Variants in KDM1A observed in about 807,000 individuals in gnomAD.
KDM1A encodes lysine demethylase 1A.
A neutral mutation model predicts 109.4 loss-of-function variants in KDM1A; 49 were observed. The observed-to-expected ratio is 0.45, with a 90% CI of 0.36 to 0.57. The LOEUF (loss-of-function observed/expected upper bound fraction) is 0.57. KDM1A is among the 20% of genes least tolerant of loss of function. KDM1A has a pLI of 0.00. For synonymous variants in KDM1A, 380 were observed against 415.4 expected, an observed-to-expected ratio of 0.91 and a Z score of 1.04; for missense variants, 668 against 1,116.6, an observed-to-expected ratio of 0.60 and a Z score of 5.73.
At position 23,056,127 on chromosome 1, in the gene KDM1A, T is replaced by C. The variant is rs911887803; in HGVS notation, c.990+89T>C. 7.0e-6 allele frequency: 6 copies of C among 854,566 alleles called. No individual in the cohort carries two copies. The African/African-American group carries it at 1.0e-4, about 14-fold the overall frequency. 52.9% of individuals were successfully genotyped at this position (854,566 alleles called of 1,614,324 possible). A position where few individuals can be genotyped will look rare whatever the true frequency, so the allele number is the denominator to read the frequency against. ...TTGCAAATTAAAGAATTATACAACT[T>C]GAACTAAGCTAAATTGATTTGTATA... On this transcript the variant is annotated intron_variant, in intron 7 of 20. Coordinates refer to ENST00000400181, the MANE Select transcript of KDM1A (RefSeq NM_001009999.3).
chr1:23,038,370 T>A (rs116387007), intron 2 of KDM1A, among the ~76,000 whole-genome samples: 1,979 of 152,270 alleles, frequency 0.013, 28 homozygotes, highest in African/African-American at 0.044. Context: ...CATAGTTTTT[T>A]TTTCTTTCCT....
At chr1:23,074,624 T>C (rs1372409373) in intron 15 of KDM1A, among the ~76,000 whole-genome samples, 2 of 152,216 alleles carry the variant, frequency 1.3e-5, no homozygotes, top group African/African-American at 4.8e-5. Context: ...AAAGAATCTT[T>C]GTCTTACCTG....
intron 9 of KDM1A, among the ~76,000 whole-genome samples, chr1:23,062,817 T>C (rs1643037205): frequency 6.6e-6 from 1 of 152,190 alleles, no homozygotes; most frequent in Non-Finnish European, 1.5e-5. Flanking sequence ...AGATATAATA[T>C]AGGGATACTA....
At position 23,077,360 on chromosome 1, in the gene KDM1A, G is replaced by A; in HGVS notation, c.1867G>A (p.Gly623Arg). 2.5e-6 allele frequency: 4 copies of A among 1,610,794 alleles called. No homozygotes were observed. The highest frequency in any genetic ancestry group is 3.4e-6 in the Non-Finnish European group (4 of 1,177,958). Residue 623 changes from glycine (G) to arginine (R), a missense_variant and splice_region_variant, in exon 16 of 21, where the codon GGA becomes AGA. Around this residue, in one of 8 missense-constraint regions of KDM1A, gnomAD observed 162 missense variants for 376.4 expected, o/e 0.43. Coordinates refer to ENST00000400181, the MANE Select transcript of KDM1A (RefSeq NM_001009999.3). ...GCGACAGGTTCGCTACACGGCTTCA[G>A]GTATGTCACTGCTTTACAAAAGGTA... The part of the protein sequence containing the change: ...AVRQVRYTAS[G>R]CEVIAVNTRS...
intron 9 of KDM1A, among the ~76,000 whole-genome samples, chr1:23,063,843 A>G (rs1445264235): frequency 6.6e-6 from 1 of 152,140 alleles, no homozygotes; most frequent in African/African-American, 2.4e-5. Flanking sequence ...AAGATTCCTT[A>G]TGGGGTGGGA....
intron 2 of KDM1A, among the ~76,000 whole-genome samples, chr1:23,038,036 C>T (rs985560500): frequency 6.6e-6 from 1 of 152,026 alleles, no homozygotes; most frequent in Non-Finnish European, 1.5e-5. Context: ...TGAGAAAATG[C>T]GAAACCCACC....
chr1:23,072,676 G>A (rs1016876668), intron 14 of KDM1A, among the ~76,000 whole-genome samples: 1 of 152,020 alleles, frequency 6.6e-6, no homozygotes, highest in Non-Finnish European at 1.5e-5. Flanking sequence ...ATGGGATCTC[G>A]CTCTTGTTGC....
chr1:23,043,111 G>A (rs1243752135), intron 2 of KDM1A, among the ~76,000 whole-genome samples: 1 of 152,202 alleles, frequency 6.6e-6, no homozygotes, highest in East Asian at 1.9e-4. Flanking sequence ...CTGATTTTAA[G>A]TTTATAGTAG....
chr1:23,059,049 T>A, intron 8 of KDM1A, 24 bp from the exon 9 acceptor site: 1 of 1,527,988 alleles, frequency 6.5e-7, no homozygotes, highest in Non-Finnish European at 9.0e-7. Context: ...TCTATTGAAT[T>A]TAATTGCTTG....
At chr1:23,068,797 G>A in intron 11 of KDM1A, 116 bp downstream of exon 11, 1 of 859,438 alleles carries the variant, frequency 1.2e-6, no homozygotes, top group South Asian at 2.6e-5. Flanking sequence ...AATTTTGTAT[G>A]AAACCATTGA....
At chr1:23,057,151 CATTAAAAGGT>C (rs1276164927) in intron 7 of KDM1A, among the ~76,000 whole-genome samples, 1 of 152,128 alleles carries the variant, frequency 6.6e-6, no homozygotes, top group African/African-American at 2.4e-5. Flanking sequence ...TGGCCCTGTA[CATTAAAAGGT>C]ATTATAGACA....
At chr1:23,051,470 C>T (rs936209505) in intron 4 of KDM1A, among the ~76,000 whole-genome samples, 3 of 152,210 alleles carry the variant, frequency 2.0e-5, no homozygotes, top group African/African-American at 7.2e-5. Context: ...CTCCCCTCCG[C>T]ATTGCCCTGC....
At chr1:23,081,723 T>C (rs1643625583) in intron 19 of KDM1A, 150 bp downstream of exon 19, 1 of 948,840 alleles carries the variant, frequency 1.1e-6, no homozygotes, top group Non-Finnish European at 1.5e-6. Context: ...GTTCATGGCC[T>C]AAGCGTGGGG....
chr1:23,028,140 C>T (rs1339986282), intron 1 of KDM1A, among the ~76,000 whole-genome samples: 3 of 152,136 alleles, frequency 2.0e-5, no homozygotes, highest in African/African-American at 7.2e-5. Context: ...TGATGCAAAA[C>T]TTAGCAGTAC....
intron 14 of KDM1A, 55 bp from the exon 15 acceptor site, chr1:23,073,237 C>A (rs1422482913): frequency 6.4e-6 from 6 of 933,284 alleles, no homozygotes; most frequent in Admixed American, 5.2e-5. Flanking sequence ...CTACATCACA[C>A]TGAGAGAACT....
At chr1:23,070,373 A>T (rs1394396971) in intron 12 of KDM1A, among the ~76,000 whole-genome samples, 2 of 152,056 alleles carry the variant, frequency 1.3e-5, no homozygotes, top group Non-Finnish European at 2.9e-5. Flanking sequence ...CAGGAGGCTG[A>T]GGCATGAGAA....
chr1:23,037,464 C>T (rs1343206030), intron 2 of KDM1A, among the ~76,000 whole-genome samples: 2 of 151,908 alleles, frequency 1.3e-5, no homozygotes, highest in Non-Finnish European at 2.9e-5. Flanking sequence ...TCATGTACAG[C>T]GTGATGTTTT....
At chr1:23,072,828 A>G (rs1643358124) in intron 14 of KDM1A, among the ~76,000 whole-genome samples, 2 of 151,886 alleles carry the variant, frequency 1.3e-5, no homozygotes, top group Admixed American at 6.6e-5. Flanking sequence ...GTATTTTTAG[A>G]TGGGGTTTCA....
chr1:23,025,364 CTT>C (rs1000026842), intron 1 of KDM1A, among the ~76,000 whole-genome samples: 2 of 145,222 alleles, frequency 1.4e-5, no homozygotes, highest in Admixed American at 1.4e-4. Context: ...AAGTCTCACT[CTT>C]TTCCCTCAGG....
Sources: allele counts gnomAD v4.1 joint callset (sites outside exome capture counted in the v4.1 genomes callset), GRCh38; gene constraint gnomAD v4.1.1; regional missense constraint gnomAD v4.1.1; transcripts MANE v1.5; gene names NCBI Gene and HGNC (gene_info 2026-07-23, HGNC 2026-07-21).